Variants in AGGF1 observed in about 807,000 individuals in gnomAD.
AGGF1 encodes angiogenic factor with G-patch and FHA domains 1.
AGGF1 carries 56 observed loss-of-function variants against 86.5 expected under a neutral mutation model. The ratio of observed to expected loss-of-function variants is 0.65; its 90% confidence interval spans 0.52 to 0.81. AGGF1 has a LOEUF of 0.81. Among genes scored for constraint, AGGF1 ranks in the 30% least tolerant of loss-of-function variants. AGGF1 has a pLI of 0.00. For synonymous variants in AGGF1, 313 were observed against 297.1 expected, an observed-to-expected ratio of 1.05 and a Z score of -0.55; for missense variants, 816 against 850.9, an observed-to-expected ratio of 0.96 and a Z score of 0.51.
chr5:77,052,179 C>A (rs572926593), intron 8 of AGGF1, among the ~76,000 whole-genome samples: 2 of 152,036 alleles, frequency 1.3e-5, no homozygotes, highest in East Asian at 3.9e-4. Context: ...ATGGTGAAAC[C>A]CTGTCTCTAC....
chr5:77,031,071 G>T, intron 1 of AGGF1, 95 bp downstream of exon 1: 1 of 1,319,466 alleles, frequency 7.6e-7, no homozygotes, highest in South Asian at 1.2e-5. Flanking sequence ...CAGGGGCTCA[G>T]AACTACTGTA....
In AGGF1 at chr5:77,059,634, GA is replaced by G. The variant is rs1561291978; in HGVS notation, c.1739del (p.Lys580ArgfsTer3). 2.5e-6 allele frequency: 4 copies of G among 1,608,312 alleles called. No homozygotes were observed. The highest frequency in any genetic ancestry group is 3.4e-6 in the Non-Finnish European group (4 of 1,175,362). On this transcript the variant is annotated frameshift_variant, in exon 12 of 14. Coordinates refer to ENST00000312916, the MANE Select transcript of AGGF1 (RefSeq NM_018046.5). LOFTEE classifies it high-confidence loss of function. ...YGLQNTEYED[E>X]KTLKNPKYKD... ...TATTAAGAATACAGAATACGAAGAT[GA>G]AAAGACATTGAAGAATCCAAAATAT...
intron 5 of AGGF1, among the ~76,000 whole-genome samples, chr5:77,043,907 T>G (rs1307889378): frequency 3.9e-5 from 5 of 128,442 alleles, no homozygotes; most frequent in African/African-American, 6.0e-5. Flanking sequence ...AGACGGGGTC[T>G]CGGCCGGGCA....
chr5:77,043,577 CG>C (rs1747178721), intron 5 of AGGF1, among the ~76,000 whole-genome samples: 1 of 95,520 alleles, frequency 1.0e-5, no homozygotes. Context: ...GCTGGCCAGG[CG>C]GGGGGCTGAC....
At chr5:77,041,864 G>C (rs1171989899) in intron 5 of AGGF1, among the ~76,000 whole-genome samples, 2 of 146,888 alleles carry the variant, frequency 1.4e-5, no homozygotes, top group Non-Finnish European at 3.0e-5. Context: ...TCACAGAGGG[G>C]GATTTGGCAG....
Position 77,055,581 on chromosome 5 carries a change from A to G in AGGF1, c.1701A>G (p.Val567=). Residue 567 remains valine (V), a synonymous_variant, in exon 11 of 14, where the codon GTA becomes GTG. Transcript: ENST00000312916. ...GAAAAGAATTAAAGAAAATACGAGT[A>G]AAATATGGTTTACAGGTGAGGATGT... is the stretch of plus-strand genomic sequence containing the variant. ...ERRKELKKIR[V]KYGLQNTEYE... The G allele has an allele frequency of 6.3e-7, 1 of 1,590,780 alleles. No homozygotes were observed. The highest frequency in any genetic ancestry group is 1.1e-5 in the South Asian group (1 of 90,268).
At position 77,065,177 on chromosome 5, in the gene AGGF1, T is replaced by C. The variant is rs1344241713; in HGVS notation, c.*1925T>C. On this transcript the variant is annotated 3_prime_UTR_variant, in exon 14 of 14. Transcript: ENST00000312916. ...GTGAGCTTCTATTTGTTTAGAAGCA[T>C]AAATGTGAATTATATACAGTTTGAA... 6.6e-6 allele frequency: 1 copy of C among 152,256 alleles called. No homozygotes were observed. The highest frequency in any genetic ancestry group is 1.5e-5 in the Non-Finnish European group (1 of 68,040). The allele number at this position is 152,256 out of a possible 1,614,324, so 9.4% of individuals were successfully genotyped here. A position where few individuals can be genotyped will look rare whatever the true frequency, so the allele number is the denominator to read the frequency against.
intron 11 of AGGF1, among the ~76,000 whole-genome samples, chr5:77,058,894 G>A (rs374040935): frequency 3.3e-5 from 5 of 152,232 alleles, no homozygotes; most frequent in African/African-American, 1.2e-4. Flanking sequence ...CTTCCCTCTG[G>A]CATTCCATTA....
chr5:77,046,786 T>C, intron 6 of AGGF1, 109 bp downstream of exon 6: 1 of 1,073,464 alleles, frequency 9.3e-7, no homozygotes, highest in Non-Finnish European at 1.4e-6. Flanking sequence ...AAAGTAAACA[T>C]TATTTTAATG....
chr5:77,032,542 C>T (rs1266596892), intron 1 of AGGF1, among the ~76,000 whole-genome samples: 2 of 121,238 alleles, frequency 1.6e-5, no homozygotes, highest in Non-Finnish European at 3.2e-5. Flanking sequence ...CCAGCCTGGG[C>T]GACAAAGCAA....
intron 13 of AGGF1, among the ~76,000 whole-genome samples, chr5:77,062,700 G>T (rs1747583258): frequency 6.6e-6 from 1 of 152,090 alleles, no homozygotes; most frequent in African/African-American, 2.4e-5. Flanking sequence ...CACTTACTTA[G>T]ATAAGGATAG....
At chr5:77,057,789 G>T (rs1206816057) in intron 11 of AGGF1, among the ~76,000 whole-genome samples, 1 of 152,134 alleles carries the variant, frequency 6.6e-6, no homozygotes, top group Non-Finnish European at 1.5e-5. Context: ...GTTATTTGAC[G>T]CACTGGGCTA....
intron 9 of AGGF1, among the ~76,000 whole-genome samples, chr5:77,053,098 C>T (rs186167502): frequency 3.6e-4 from 55 of 152,206 alleles, no homozygotes; most frequent in African/African-American, 1.3e-3. Flanking sequence ...CTTTGAAGGT[C>T]GTCCCTTTTT....
chr5:77,042,914 A>C (rs1392839093), intron 5 of AGGF1, among the ~76,000 whole-genome samples: 31 of 19,764 alleles, frequency 1.6e-3, no homozygotes, highest in African/African-American at 3.8e-3. Flanking sequence ...GGGGGCCGAC[A>C]CCCCCACCTC....
intron 1 of AGGF1, among the ~76,000 whole-genome samples, chr5:77,031,521 G>T (rs1284885748): frequency 6.6e-6 from 1 of 152,198 alleles, no homozygotes; most frequent in African/African-American, 2.4e-5. Context: ...ATATATAACT[G>T]CTTTTGTTGG....
intron 5 of AGGF1, among the ~76,000 whole-genome samples, chr5:77,041,566 CAA>C (rs1232718165): frequency 1.4e-5 from 1 of 70,406 alleles, no homozygotes; most frequent in Non-Finnish European, 2.6e-5. Context: ...GACTCCATCT[CAA>C]AAAAAAAAAA....
intron 1 of AGGF1, 126 bp downstream of exon 1, chr5:77,031,102 T>C (rs1471562347): frequency 5.5e-5 from 56 of 1,025,894 alleles, no homozygotes; most frequent in Non-Finnish European, 6.4e-5. Context: ...AGTAAATAAG[T>C]AGAAGCTCAG....
chr5:77,048,266 T>A lies in AGGF1; in HGVS notation c.1307T>A (p.Ile436Asn). Residue 436 changes from isoleucine (I) to asparagine (N), a missense_variant, in exon 7 of 14, where the codon ATT (isoleucine) becomes AAT (asparagine). This residue lies in a region of AGGF1 where 565 missense variants were observed against 585.8 expected (regional missense o/e 0.96). Transcript: ENST00000312916. ...ATTACTGCTGTAAACCCTGCTACAATTGGAAGGTAAAATGGTTAATATTAT... is the reference window on the plus strand; with the variant it reads ...ATTACTGCTGTAAACCCTGCTACAAATGGAAGGTAAAATGGTTAATATTAT... ...FIITAVNPAT[I>N]GREKDMEHTL... is the part of the protein sequence containing the mutation. The A allele has an allele frequency of 6.3e-7, 1 of 1,597,372 alleles. No homozygotes were observed. The highest frequency in any genetic ancestry group is 8.6e-7 in the Non-Finnish European group (1 of 1,165,086).
At chr5:77,056,481 G>T (rs1452659213) in intron 11 of AGGF1, among the ~76,000 whole-genome samples, 1 of 151,192 alleles carries the variant, frequency 6.6e-6, no homozygotes, top group Non-Finnish European at 1.5e-5. Context: ...GCCCACCTTC[G>T]CCTCCCAAAG....
Sources: gnomAD v4.1 joint callset for allele counts (sites outside exome capture counted in the v4.1 genomes callset) on GRCh38, gnomAD v4.1.1 for gene constraint, gnomAD v4.1.1 regional missense constraint, MANE v1.5 for transcripts, NCBI Gene and HGNC (gene_info 2026-07-23, HGNC 2026-07-21) for gene names.